Variants in GHR observed in about 807,000 individuals in gnomAD.
GHR encodes the protein growth hormone receptor.
A neutral mutation model predicts 67.1 loss-of-function variants in GHR; 35 were observed. The observed-to-expected ratio is 0.52, with a 90% CI of 0.40 to 0.69. GHR has a LOEUF of 0.69. GHR is among the 30% of genes least tolerant of loss of function. GHR has a pLI of 0.00. For synonymous variants in GHR, 272 were observed against 269.1 expected, an observed-to-expected ratio of 1.01 and a Z score of -0.10; for missense variants, 792 against 764.6, an observed-to-expected ratio of 1.04 and a Z score of -0.42.
At chr5:42,514,444 A>T in intron 1 of GHR, 1 of 324,598 alleles carries the variant, frequency 3.1e-6, no homozygotes, top group Non-Finnish European at 4.4e-6. Flanking sequence ...CCAGCTATCT[A>T]TGACCATATG....
intron 1 of GHR, among the ~76,000 whole-genome samples, chr5:42,535,474 G>C (rs1748215584): frequency 6.6e-6 from 1 of 151,898 alleles, no homozygotes; most frequent in African/African-American, 2.4e-5. Flanking sequence ...TGTAATATTT[G>C]GATTTATTTC....
chr5:42,560,256 T>C (rs372258170), intron 1 of GHR, among the ~76,000 whole-genome samples: 47 of 152,104 alleles, frequency 3.1e-4, no homozygotes, highest in African/African-American at 1.1e-3. Flanking sequence ...TGCAAGGGCA[T>C]AATCTCGGCT....
intron 9 of GHR, 139 bp from the exon 10 acceptor site, chr5:42,718,314 C>T (rs1408972667): frequency 6.7e-6 from 5 of 742,610 alleles, no homozygotes. Flanking sequence ...AAAAGTTACA[C>T]ACTAATTTAT....
intron 5 of GHR, among the ~76,000 whole-genome samples, chr5:42,697,899 G>A (rs1377792206): frequency 6.6e-6 from 1 of 152,188 alleles, no homozygotes; most frequent in African/African-American, 2.4e-5. Context: ...AATGAAAAAG[G>A]ATAATGGCCA....
intron 2 of GHR, among the ~76,000 whole-genome samples, chr5:42,609,529 A>G (rs1752785680): frequency 6.6e-6 from 1 of 152,174 alleles, no homozygotes; most frequent in African/African-American, 2.4e-5. Flanking sequence ...ATCCTGATCT[A>G]GCCCATGGTA....
chr5:42,478,851 C>A (rs2112140669), intron 1 of GHR, among the ~76,000 whole-genome samples: 1 of 152,310 alleles, frequency 6.6e-6, no homozygotes. Flanking sequence ...TTGACTTCCT[C>A]TTTTCCTAAT....
chr5:42,563,489 G>T (rs943100618), intron 1 of GHR, among the ~76,000 whole-genome samples: 3 of 151,870 alleles, frequency 2.0e-5, no homozygotes, highest in Admixed American at 6.6e-5. Context: ...GCGGTGGCGG[G>T]CGCCTGTAGT....
chr5:42,588,456 G>T (rs2112583752), intron 2 of GHR, among the ~76,000 whole-genome samples: 1 of 147,440 alleles, frequency 6.8e-6, no homozygotes, highest in Non-Finnish European at 1.5e-5. Flanking sequence ...GGAGGCAGAG[G>T]TTGCTGTGAG....
chr5:42,484,711 A>G (rs958491838), intron 1 of GHR, among the ~76,000 whole-genome samples: 5 of 152,224 alleles, frequency 3.3e-5, no homozygotes, highest in African/African-American at 9.6e-5. Context: ...TAGAGATTCA[A>G]TATATGAATT....
intron 7 of GHR, among the ~76,000 whole-genome samples, chr5:42,712,990 A>G (rs1021373257): frequency 2.6e-5 from 4 of 151,908 alleles, no homozygotes; most frequent in African/African-American, 9.7e-5. Context: ...CTTTTTGATA[A>G]ATCTTCAATC....
At chr5:42,468,433 C>G in intron 1 of GHR, 2 of 977,644 alleles carry the variant, frequency 2.0e-6, no homozygotes, top group Non-Finnish European at 3.0e-6. Context: ...CTCCCAGGGC[C>G]AAGATGAGTA....
chr5:42,640,677 A>T (rs1167276203), intron 3 of GHR, among the ~76,000 whole-genome samples: 2 of 152,142 alleles, frequency 1.3e-5, no homozygotes, highest in Admixed American at 6.5e-5. Flanking sequence ...AGGCCTATAC[A>T]GCCAAATTTG....
chr5:42,619,353 C>A (rs1268521625), intron 2 of GHR, among the ~76,000 whole-genome samples: 2 of 152,062 alleles, frequency 1.3e-5, no homozygotes, highest in Admixed American at 6.6e-5. Context: ...AAACCCATTT[C>A]AGGGCCTATA....
intron 1 of GHR, among the ~76,000 whole-genome samples, chr5:42,529,621 A>G (rs1159269043): frequency 1.3e-5 from 2 of 152,126 alleles, no homozygotes; most frequent in African/African-American, 2.4e-5. Context: ...TAAAAAGTAG[A>G]TGTTACACAC....
intron 3 of GHR, among the ~76,000 whole-genome samples, chr5:42,645,754 C>G (rs1257499139): frequency 6.6e-6 from 1 of 152,196 alleles, no homozygotes; most frequent in Admixed American, 6.5e-5. Flanking sequence ...CGTTCAAGCT[C>G]ATATAAACAA....
intron 1 of GHR, among the ~76,000 whole-genome samples, chr5:42,455,852 G>A (rs1384673385): frequency 6.6e-6 from 1 of 152,174 alleles, no homozygotes; most frequent in Non-Finnish European, 1.5e-5. Flanking sequence ...TCAACATGTT[G>A]GAATAAGAAG....
chr5:42,702,909 G>A (rs1263639161), intron 6 of GHR, among the ~76,000 whole-genome samples: 3 of 151,714 alleles, frequency 2.0e-5, no homozygotes, highest in African/African-American at 7.3e-5. Context: ...TTTTAATTGG[G>A]TTATTTTCTT....
chr5:42,659,828 A>G (rs1755476220), intron 3 of GHR, among the ~76,000 whole-genome samples: 1 of 152,166 alleles, frequency 6.6e-6, no homozygotes, highest in African/African-American at 2.4e-5. Flanking sequence ...AGGAAGCGCA[A>G]GGGGACAGGG....
rs1365454012 is a variant in GHR at position 42,468,885 on chromosome 5, C to T, written c.-12+44930C>T. 5 of 756,862 alleles carry T rather than the reference C, an allele frequency of 6.6e-6. No individual in the cohort carries two copies. The African/African-American group carries it at 7.3e-5, about 11-fold the overall frequency. The allele number at this position is 756,862 out of a possible 1,614,324, so 46.9% of individuals were successfully genotyped here. A position where few individuals can be genotyped will look rare whatever the true frequency, so the allele number is the denominator to read the frequency against. On this transcript the variant is annotated intron_variant, in intron 1 of 9. Coordinates refer to ENST00000230882, the MANE Select transcript of GHR (RefSeq NM_000163.5). ...CAGGCATGATGGTTGCTCGGCGGCA[C>T]ATTCCTCCACGGATTGCAGCGGGCT...
Sources: allele counts gnomAD v4.1 joint callset (sites outside exome capture counted in the v4.1 genomes callset), GRCh38; gene constraint gnomAD v4.1.1; transcripts MANE v1.5; gene names NCBI Gene and HGNC (gene_info 2026-07-23, HGNC 2026-07-21).